COPZ1: variants seen among roughly 807,000 people sequenced by gnomAD.
The protein encoded by COPZ1 is coatomer subunit zeta-1.
Under a neutral mutation model 31.7 loss-of-function variants are expected in COPZ1, and 4 were observed. That is an observed-to-expected ratio of 0.13 (90% CI 0.06 to 0.29). The LOEUF (loss-of-function observed/expected upper bound fraction) is 0.29, where lower values mean the gene tolerates loss of function less well. COPZ1 is among the 10% of genes least tolerant of loss of function. The probability of loss-of-function intolerance (pLI) is 1.00; values close to 1 mark genes in which losing one functional copy is unlikely to be tolerated. For missense variants in COPZ1, 156 were observed against 211.5 expected (o/e 0.74, Z 1.63); for synonymous variants, 74 against 79.0 (o/e 0.94, Z 0.33).
intron 2 of COPZ1, 45 bp from the exon 3 acceptor site, chr12:54,342,161 T>G (rs1310326672): frequency 7.2e-7 from 1 of 1,390,834 alleles, no homozygotes. Context: ...TCATTCTGGC[T>G]TCCAGCTCTA....
Position 54,345,525 on chromosome 12 carries a change from A to T in COPZ1, c.317+10A>T, listed in dbSNP as rs1301350668. ...TGAGCCAGATGCTGAGGTGAGCAGG[A>T]CATTCTTTTTTTTCCCCTCAAGTTA... On this transcript the variant is annotated intron_variant, in intron 5 of 8. Coordinates refer to ENST00000262061, the MANE Select transcript of COPZ1 (RefSeq NM_016057.3). The T allele has an allele frequency of 2.5e-6, 4 of 1,607,866 alleles. No individual in the cohort carries two copies. Among genetic ancestry groups the T allele is most frequent in the Non-Finnish European group, 3.4e-6 (4 of 1,174,772 alleles).
At chr12:54,342,449 A>G (rs1480594536) in intron 3 of COPZ1, 162 bp downstream of exon 3, 1 of 614,430 alleles carries the variant, frequency 1.6e-6, no homozygotes, top group East Asian at 2.8e-5. Context: ...TGGGGAGGTG[A>G]GTGTACCTCA....
At chr12:54,336,963 A>G (rs915032799) in intron 1 of COPZ1, among the ~76,000 whole-genome samples, 7 of 136,064 alleles carry the variant, frequency 5.1e-5, no homozygotes, top group African/African-American at 1.6e-4. Context: ...TGGAGGTTGT[A>G]GTGAGCGGAG....
chr12:54,334,278 G>A (rs779206273), intron 1 of COPZ1, among the ~76,000 whole-genome samples: 12 of 151,706 alleles, frequency 7.9e-5, no homozygotes, highest in Non-Finnish European at 1.3e-4. Context: ...AAAATAAGCC[G>A]GGCGTGGTGG....
chr12:54,327,905 A>G (rs959996284), intron 1 of COPZ1, among the ~76,000 whole-genome samples: 3 of 148,212 alleles, frequency 2.0e-5, no homozygotes, highest in African/African-American at 7.9e-5. Context: ...AGGAATGAGG[A>G]AGATAATAAT....
intron 1 of COPZ1, among the ~76,000 whole-genome samples, chr12:54,333,456 A>G (rs1420111949): frequency 1.3e-5 from 2 of 152,244 alleles, no homozygotes; most frequent in African/African-American, 4.8e-5. Context: ...ATTAACCTTA[A>G]CTGATCTAGG....
intron 1 of COPZ1, among the ~76,000 whole-genome samples, chr12:54,328,267 C>T (rs1244516580): frequency 8.2e-6 from 1 of 121,518 alleles, no homozygotes; most frequent in Non-Finnish European, 1.7e-5. Context: ...CAGTGTTAGA[C>T]TCCATCTCAA....
At chr12:54,327,418 C>T (rs1016907322) in intron 1 of COPZ1, among the ~76,000 whole-genome samples, 3 of 151,782 alleles carry the variant, frequency 2.0e-5, no homozygotes, top group Non-Finnish European at 4.4e-5. Context: ...CTGCCTCAGC[C>T]TCACGAGTAG....
At chr12:54,348,213 T>A in intron 7 of COPZ1, 162 bp downstream of exon 7, 1 of 634,948 alleles carries the variant, frequency 1.6e-6, no homozygotes, top group Non-Finnish European at 2.8e-6. Flanking sequence ...CTCTTCTTAT[T>A]GTCCCAAAGA....
At chr12:54,349,534 C>A in intron 7 of COPZ1, 86 bp from the exon 8 acceptor site, 3 of 1,055,754 alleles carry the variant, frequency 2.8e-6, no homozygotes, top group Middle Eastern at 2.0e-4. Flanking sequence ...TTTAAAGGAT[C>A]ACTTTTTTCT....
intron 3 of COPZ1, 65 bp from the exon 4 acceptor site, chr12:54,343,160 A>C: frequency 1.6e-6 from 2 of 1,271,434 alleles, no homozygotes; most frequent in Non-Finnish European, 2.3e-6. Context: ...CCTGGCTGGT[A>C]ACTCCTTCTT....
chr12:54,336,789 C>T (rs371645391), intron 1 of COPZ1, among the ~76,000 whole-genome samples: 2 of 151,822 alleles, frequency 1.3e-5, no homozygotes, highest in African/African-American at 4.8e-5. Context: ...TTTGGGAGGC[C>T]GAGGCAGGCA....
At chr12:54,334,283 T>A (rs1442177691) in intron 1 of COPZ1, among the ~76,000 whole-genome samples, 2 of 151,268 alleles carry the variant, frequency 1.3e-5, no homozygotes, top group African/African-American at 4.9e-5. Flanking sequence ...AAGCCGGGCG[T>A]GGTGGGAAGC....
At chr12:54,347,256 A>T (rs1349154242) in intron 5 of COPZ1, among the ~76,000 whole-genome samples, 8 of 152,136 alleles carry the variant, frequency 5.3e-5, no homozygotes, top group African/African-American at 1.7e-4. Context: ...GTGTATGCAG[A>T]CCCTGCCCCC....
chr12:54,349,241 C>G (rs1317531833), intron 7 of COPZ1, among the ~76,000 whole-genome samples: 1 of 152,166 alleles, frequency 6.6e-6, no homozygotes, highest in African/African-American at 2.4e-5. Flanking sequence ...TAAACCACTC[C>G]TGGCTCCCCC....
At chr12:54,348,234 A>G in intron 7 of COPZ1, 183 bp downstream of exon 7, 1 of 606,108 alleles carries the variant, frequency 1.6e-6, no homozygotes, top group Non-Finnish European at 2.9e-6. Flanking sequence ...AAGAAGCAGA[A>G]ATAACTTATT....
At chr12:54,326,645 GTGTGT>G (rs1317681137) in intron 1 of COPZ1, among the ~76,000 whole-genome samples, 1 of 62,352 alleles carries the variant, frequency 1.6e-5, no homozygotes, top group Non-Finnish European at 3.9e-5. Flanking sequence ...GGAGGGGTGT[GTGTGT>G]GTGTGTGTGT....
intron 1 of COPZ1, 184 bp downstream of exon 1, chr12:54,325,365 G>A: frequency 1.3e-6 from 1 of 777,452 alleles, no homozygotes; most frequent in East Asian, 2.7e-5. Flanking sequence ...AGAGTAGGAA[G>A]CCCTGCCGGG....
chr12:54,350,572 C>T lies in COPZ1; in HGVS notation c.*49C>T. 6.8e-7 allele frequency: 1 copy of T among 1,467,238 alleles called. No homozygotes were observed. The highest frequency in any genetic ancestry group is 1.1e-5 in the South Asian group (1 of 88,076). The allele number at this position is 1,467,238 out of a possible 1,614,324, so 90.9% of individuals were successfully genotyped here. On this transcript the variant is annotated 3_prime_UTR_variant, in exon 9 of 9. Coordinates refer to ENST00000262061, the MANE Select transcript of COPZ1 (RefSeq NM_016057.3). ...CATCCTCTTCAAAAAATTTGCATGTCTGCTGTGAATTTTCATCTAGTTCCC... is the reference window on the plus strand; with the variant it reads ...CATCCTCTTCAAAAAATTTGCATGTTTGCTGTGAATTTTCATCTAGTTCCC...
Sources: allele counts gnomAD v4.1 joint callset (sites outside exome capture counted in the v4.1 genomes callset), GRCh38; gene constraint gnomAD v4.1.1; transcripts MANE v1.5; gene names NCBI Gene and HGNC (gene_info 2026-07-23, HGNC 2026-07-21).